The following PRDM16 variants were observed in gnomAD, a reference collection of about 807,000 sequenced individuals.
The protein encoded by PRDM16 is PR/SET domain 16, also known as histone-lysine N-methyltransferase PRDM16.
In PRDM16, 23 loss-of-function variants were observed where a neutral mutation model predicts 110.6. That is an observed-to-expected ratio of 0.21 (90% confidence interval 0.15 to 0.29). PRDM16 has a LOEUF of 0.29. PRDM16 is among the 10% of genes least tolerant of loss of function. The pLI, the probability that PRDM16 is intolerant of heterozygous loss-of-function variation, is 1.00. For missense variants in PRDM16, 1,615 were observed against 1,794.3 expected (o/e 0.90, Z 1.81); for synonymous variants, 799 against 781.8 (o/e 1.02, Z -0.37).
At chr1:3,351,530 G>T (rs1359251240) in intron 3 of PRDM16, among the ~76,000 whole-genome samples, 9 of 5,144 alleles carry the variant, frequency 1.7e-3, no homozygotes, top group Non-Finnish European at 2.9e-3. Context: ...ACCCGTCTCT[G>T]TCCCCCTCCC....
chr1:3,227,796 G>A (rs538520994), intron 2 of PRDM16, among the ~76,000 whole-genome samples: 5 of 152,340 alleles, frequency 3.3e-5, no homozygotes, highest in African/African-American at 9.6e-5. Flanking sequence ...GGGGGTGGCC[G>A]GGTCTCCTGA....
At chr1:3,235,411 C>T (rs1032227772) in intron 2 of PRDM16, among the ~76,000 whole-genome samples, 3 of 152,192 alleles carry the variant, frequency 2.0e-5, no homozygotes, top group Non-Finnish European at 4.4e-5. Context: ...GATTTACATT[C>T]CCTTCCCCTG....
At position 3,125,840 on chromosome 1, in the gene PRDM16, G is replaced by A. The variant is rs547809968; in HGVS notation, c.37+56544G>A. On this transcript the variant is annotated intron_variant, in intron 1 of 16. Coordinates refer to ENST00000270722, the MANE Select transcript of PRDM16 (RefSeq NM_022114.4). ...AGGGTGCAGGTCCCTGCACTGGCCC[G>A]ATTCATTAAGGACCGGCTCCTTTGT... Among the ~76,000 whole-genome samples the A allele has an allele frequency of 1.5e-3, 228 of 152,344 alleles. 4 individuals are homozygous for A. The highest frequency in any genetic ancestry group is 1.2e-3 in the East Asian group (6 of 5,166).
chr1:3,177,260 T>G (rs1446959481), intron 1 of PRDM16, among the ~76,000 whole-genome samples: 1 of 152,190 alleles, frequency 6.6e-6, no homozygotes, highest in Non-Finnish European at 1.5e-5. Flanking sequence ...TCTCCATCCA[T>G]CTATCAAGCA....
intron 2 of PRDM16, among the ~76,000 whole-genome samples, chr1:3,227,467 G>A (rs925705786): frequency 6.6e-6 from 1 of 152,218 alleles, no homozygotes; most frequent in South Asian, 2.1e-4. Flanking sequence ...AAAAGATTGC[G>A]GTGTCTCTCA....
At chr1:3,072,880 G>C (rs999259023) in intron 1 of PRDM16, among the ~76,000 whole-genome samples, 1 of 152,270 alleles carries the variant, frequency 6.6e-6, no homozygotes, top group South Asian at 2.1e-4. Context: ...TCACCCACAG[G>C]CCCCCTCCCT....
chr1:3,228,848 G>A (rs72630999), intron 2 of PRDM16, among the ~76,000 whole-genome samples: 14,879 of 152,122 alleles, frequency 0.098, 868 homozygotes, highest in South Asian at 0.24. Context: ...TGAACGGGAC[G>A]CGCTGAGCCA....
chr1:3,125,771 C>T (rs1042038454), intron 1 of PRDM16, among the ~76,000 whole-genome samples: 1 of 152,256 alleles, frequency 6.6e-6, no homozygotes, highest in South Asian at 2.1e-4. Context: ...CCCCACTACG[C>T]CTGGCCCCTC....
intron 3 of PRDM16, among the ~76,000 whole-genome samples, chr1:3,328,088 T>C (rs1266942407): frequency 6.6e-6 from 1 of 152,146 alleles, no homozygotes; most frequent in Non-Finnish European, 1.5e-5. Context: ...AAGCTGGATG[T>C]GCTAGGCGTT....
intron 3 of PRDM16, among the ~76,000 whole-genome samples, chr1:3,297,577 C>T (rs1641117817): frequency 2.0e-5 from 3 of 152,226 alleles, no homozygotes; most frequent in East Asian, 1.9e-4. Context: ...AACCACTGCG[C>T]CCGGCCTGAT....
At position 3,391,899 on chromosome 1, in the gene PRDM16, G is replaced by A. The variant is rs138082891; in HGVS notation, c.574-4592G>A. ...CCCAAACCCCAGCGCTGCAAATCGG[G>A]GTGCTGCCCCTGCTGGCGCTTAGGG... On this transcript the variant is annotated intron_variant, in intron 4 of 16. Transcript: ENST00000270722. Among the ~76,000 whole-genome samples, 147 of 152,346 alleles carry A rather than the reference G, an allele frequency of 9.6e-4. 1 individual carries two copies. The highest frequency in any genetic ancestry group is 3.4e-3 in the African/African-American group (141 of 41,586).
At chr1:3,411,036 G>A (rs1344937388) in intron 8 of PRDM16, among the ~76,000 whole-genome samples, 1 of 150,290 alleles carries the variant, frequency 6.7e-6, no homozygotes, top group Admixed American at 6.6e-5. Flanking sequence ...GCCAGTCTTG[G>A]GTGGGGCGCA....
At chr1:3,127,967 T>C (rs1643244762) in intron 1 of PRDM16, 1 of 154,800 alleles carries the variant, frequency 6.5e-6, no homozygotes, top group Admixed American at 6.5e-5. Flanking sequence ...CCTTCTGGCA[T>C]CTGGGAACAC....
intron 1 of PRDM16, among the ~76,000 whole-genome samples, chr1:3,139,425 G>A (rs569399101): frequency 6.4e-4 from 97 of 152,356 alleles, no homozygotes; most frequent in Middle Eastern, 3.4e-3. Flanking sequence ...GATAGCAGGC[G>A]ACTTGCTTTT....
intron 2 of PRDM16, among the ~76,000 whole-genome samples, chr1:3,223,741 C>G (rs1001114756): frequency 4.0e-5 from 6 of 151,872 alleles, no homozygotes; most frequent in Non-Finnish European, 8.8e-5. Flanking sequence ...CACGCGATAC[C>G]AGGGCTGGGG....
In PRDM16 at chr1:3,184,110, G is replaced by A. The variant is rs1160577490; in HGVS notation, c.38-2015G>A. On this transcript the variant is annotated intron_variant, in intron 1 of 16. Transcript: ENST00000270722. ...TTAGGGGGGAGGAACAGCAGCGGCA[G>A]TTCTGTGGCTGCGTCTCTGAAAGGA... Among the ~76,000 whole-genome samples, 10 of 152,234 alleles carry A rather than the reference G, an allele frequency of 6.6e-5. No homozygotes were observed. The East Asian group carries it at 1.6e-3, about 24-fold the overall frequency.
At chr1:3,357,450 T>G (rs1260460754) in intron 3 of PRDM16, among the ~76,000 whole-genome samples, 1 of 151,176 alleles carries the variant, frequency 6.6e-6, no homozygotes, top group Non-Finnish European at 1.5e-5. Flanking sequence ...ACAGGCAGGA[T>G]GGAGAGTCTC....
chr1:3,247,470 G>A (rs920455391), intron 3 of PRDM16, among the ~76,000 whole-genome samples: 7 of 152,194 alleles, frequency 4.6e-5, no homozygotes, highest in Admixed American at 4.6e-4. Flanking sequence ...GTGGCGCGGG[G>A]CCTGGCTCCT....
Position 3,411,643 on chromosome 1 carries a change from C to A in PRDM16, c.1446C>A (p.Ser482Arg). 1 of 1,613,830 alleles carries A rather than the reference C, an allele frequency of 6.2e-7. No homozygotes were observed. The highest frequency in any genetic ancestry group is 1.1e-5 in the South Asian group (1 of 91,050). Residue 482 changes from serine (S) to arginine (R), a missense_variant, in exon 9 of 17, where the codon AGC becomes AGA. By Grantham distance (110) the Ser-to-Arg change is moderately radical (BLOSUM62 -1). Transcript: ENST00000270722. ...AKPSPSLNHA[S>R]LGFNEYFPSR... Reference sequence around the variant, plus strand: ...CCTCCCCCAGCCTCAATCACGCCAGCCTGGGCTTCAACGAGTACTTTCCCT... The same window carrying A: ...CCTCCCCCAGCCTCAATCACGCCAGACTGGGCTTCAACGAGTACTTTCCCT...
Sources: gnomAD v4.1 joint callset for allele counts (sites outside exome capture counted in the v4.1 genomes callset) on GRCh38, gnomAD v4.1.1 for gene constraint, MANE v1.5 for transcripts, NCBI Gene and HGNC (gene_info 2026-07-23, HGNC 2026-07-21) for gene names.